GAB1: variants seen among roughly 807,000 people sequenced by gnomAD.
GAB1 encodes the protein GRB2 associated binding protein 1, also known as GRB2-associated-binding protein 1.
A neutral mutation model predicts 66.5 loss-of-function variants in GAB1; 19 were observed. The observed-to-expected ratio is 0.29, with a 90% CI of 0.20 to 0.42. GAB1 has a LOEUF of 0.42. GAB1 is among the 10% of genes least tolerant of loss of function. GAB1 has a pLI of 1.00. For synonymous variants in GAB1, 294 were observed against 301.4 expected, an observed-to-expected ratio of 0.98 and a Z score of 0.25; for missense variants, 732 against 858.5, an observed-to-expected ratio of 0.85 and a Z score of 1.84.
chr4:143,373,499 A>AT (rs773727770), intron 1 of GAB1, among the ~76,000 whole-genome samples: 3 of 152,166 alleles, frequency 2.0e-5, no homozygotes, highest in Non-Finnish European at 4.4e-5. Flanking sequence ...TCTTCATTTC[A>AT]TGATGGCATT....
At chr4:143,343,291 T>C (rs1728883404) in intron 1 of GAB1, among the ~76,000 whole-genome samples, 1 of 152,190 alleles carries the variant, frequency 6.6e-6, no homozygotes, top group South Asian at 2.1e-4. Flanking sequence ...GGGACATAAA[T>C]CTTCCTTGTG....
At chr4:143,388,854 C>T (rs2149684373) in intron 1 of GAB1, among the ~76,000 whole-genome samples, 1 of 152,284 alleles carries the variant, frequency 6.6e-6, no homozygotes, top group East Asian at 1.9e-4. Flanking sequence ...TAAATACATT[C>T]ATATTTAGAA....
At chr4:143,463,318 T>A (rs2149794760) in intron 8 of GAB1, among the ~76,000 whole-genome samples, 1 of 152,140 alleles carries the variant, frequency 6.6e-6, no homozygotes, top group Middle Eastern at 3.4e-3. Flanking sequence ...ACATAATTTT[T>A]AAAGAATTTT....
At chr4:143,382,757 C>A (rs1461314962) in intron 1 of GAB1, among the ~76,000 whole-genome samples, 1 of 151,796 alleles carries the variant, frequency 6.6e-6, no homozygotes, top group African/African-American at 2.4e-5. Context: ...GATTTGTTAG[C>A]TTGAGCAGTT....
chr4:143,389,726 A>G (rs921025556), intron 1 of GAB1, among the ~76,000 whole-genome samples: 1 of 152,234 alleles, frequency 6.6e-6, no homozygotes, highest in Admixed American at 6.5e-5. Flanking sequence ...CAGTGTACTC[A>G]TCAAACAGTA....
Position 143,369,065 on chromosome 4 carries a change from G to A in GAB1, c.72+31805G>A, listed in dbSNP as rs191940738. ...AGCAATTCTCCAGCCTCAGCCCCCC[G>A]AGTAGCTAGGATTACAGGTGTGCAC... is the stretch of plus-strand genomic sequence containing the variant. On this transcript the variant is annotated intron_variant, in intron 1 of 9. Coordinates refer to ENST00000262994, the MANE Select transcript of GAB1 (RefSeq NM_002039.4). 2.1e-4 allele frequency among the ~76,000 whole-genome samples: 32 copies of A among 152,182 alleles called. No individual in the cohort carries two copies. In the East Asian group the frequency reaches 3.3e-3, roughly 16 times the overall value.
intron 1 of GAB1, among the ~76,000 whole-genome samples, chr4:143,364,934 G>A (rs1211249713): frequency 7.1e-6 from 1 of 141,440 alleles, no homozygotes; most frequent in Non-Finnish European, 1.5e-5. Context: ...CTGGAGTGCA[G>A]TGGCGCTATC....
intron 2 of GAB1, among the ~76,000 whole-genome samples, chr4:143,427,378 G>A (rs953925833): frequency 3.3e-5 from 5 of 152,166 alleles, no homozygotes; most frequent in Admixed American, 6.5e-5. Context: ...CCGGTTGCAT[G>A]ACTGTTTGGA....
intron 1 of GAB1, among the ~76,000 whole-genome samples, chr4:143,412,717 C>T: frequency 6.6e-6 from 1 of 151,890 alleles, no homozygotes; most frequent in Admixed American, 6.6e-5. Flanking sequence ...TGGAGTTGGC[C>T]AGGCAAAAAG....
chr4:143,460,231 G>A lies in GAB1; in HGVS notation c.1680-133G>A. On this transcript the variant is annotated intron_variant, in intron 7 of 9. Transcript: ENST00000262994. ...ACACAAAAATTACATCATTATAAAT[G>A]TGTACAATGAATGATTATAAACATA... 10 of 757,372 alleles carry A rather than the reference G, an allele frequency of 1.3e-5. 1 individual carries two copies. The South Asian group carries it at 1.7e-4, about 13-fold the overall frequency. 46.9% of individuals were successfully genotyped at this position (757,372 alleles called of 1,614,324 possible). A position where few individuals can be genotyped will look rare whatever the true frequency, so the allele number is the denominator to read the frequency against.
intron 2 of GAB1, among the ~76,000 whole-genome samples, chr4:143,418,096 G>A (rs1359007027): frequency 6.6e-6 from 1 of 152,216 alleles, no homozygotes; most frequent in Non-Finnish European, 1.5e-5. Flanking sequence ...GTGGGGTCGG[G>A]GAAACCCCTT....
chr4:143,421,698 C>CTTTTTTTTTTTTTTTTTTTTTTTTT (rs70953733), intron 2 of GAB1, among the ~76,000 whole-genome samples: 3 of 118,690 alleles, frequency 2.5e-5, no homozygotes, highest in Admixed American at 9.0e-5. Context: ...CTTTTCTTTT[C>CTTTTTTTTTTTTTTTTTTTTTTTTT]TTTTTTTTTT....
Position 143,337,161 on chromosome 4 carries a change from C to G in GAB1, c.-28C>G. The G allele has an allele frequency of 3.9e-6, 6 of 1,557,136 alleles. No homozygotes were observed. Among genetic ancestry groups the G allele is most frequent in the Non-Finnish European group, 5.2e-6 (6 of 1,149,738 alleles). The stretch of plus-strand genomic sequence containing the variant: ...AGCGCGCCCGCCGCCCCTCAGCTGC[C>G]CGGCCCGGAGCCCGAGACGCGCGCA... On this transcript the variant is annotated 5_prime_UTR_variant, in exon 1 of 10. Transcript: ENST00000262994.
At chr4:143,458,668 G>A (rs1370444037) in intron 6 of GAB1, among the ~76,000 whole-genome samples, 1 of 151,826 alleles carries the variant, frequency 6.6e-6, no homozygotes, top group East Asian at 1.9e-4. Context: ...GCAATATGAG[G>A]TAAATAAAGA....
At chr4:143,462,224 T>C (rs1735529854) in intron 8 of GAB1, among the ~76,000 whole-genome samples, 1 of 152,166 alleles carries the variant, frequency 6.6e-6, no homozygotes, top group Admixed American at 6.5e-5. Flanking sequence ...TCAATTTGAG[T>C]GGAGTTCTAT....
chr4:143,463,096 A>G (rs1255605136), intron 8 of GAB1, among the ~76,000 whole-genome samples: 2 of 152,216 alleles, frequency 1.3e-5, no homozygotes, highest in Non-Finnish European at 1.5e-5. Flanking sequence ...TGCCAAATAC[A>G]AGGACTCATC....
At chr4:143,356,035 CTG>C (rs1333850983) in intron 1 of GAB1, among the ~76,000 whole-genome samples, 1 of 151,482 alleles carries the variant, frequency 6.6e-6, no homozygotes, top group Admixed American at 6.6e-5. Flanking sequence ...TATGGAATGT[CTG>C]TGTGGATGAA....
intron 1 of GAB1, among the ~76,000 whole-genome samples, chr4:143,399,570 A>C (rs925058432): frequency 6.6e-6 from 1 of 152,194 alleles, no homozygotes; most frequent in Non-Finnish European, 1.5e-5. Context: ...GGCAGACAAA[A>C]GAATAGAGAA....
At chr4:143,358,140 A>G (rs943547269) in intron 1 of GAB1, among the ~76,000 whole-genome samples, 1 of 152,150 alleles carries the variant, frequency 6.6e-6, no homozygotes, top group African/African-American at 2.4e-5. Flanking sequence ...ACGTGTGTGT[A>G]TGCCTTAAAG....
Sources: gnomAD v4.1 joint callset for allele counts (sites outside exome capture counted in the v4.1 genomes callset) on GRCh38, gnomAD v4.1.1 for gene constraint, MANE v1.5 for transcripts, NCBI Gene and HGNC (gene_info 2026-07-23, HGNC 2026-07-21) for gene names.